The following NEGR1 variants were observed in gnomAD, a reference collection of about 807,000 sequenced individuals.
NEGR1 encodes the protein IgLON family member 4.
A neutral mutation model predicts 40.9 loss-of-function variants in NEGR1; 10 were observed. The observed-to-expected ratio is 0.24, with a 90% CI of 0.15 to 0.42. NEGR1 has a LOEUF of 0.42. NEGR1 is among the 10% of genes least tolerant of loss of function. The pLI is 1.00. For synonymous variants in NEGR1, 185 were observed against 166.8 expected, an observed-to-expected ratio of 1.11 and a Z score of -0.84; for missense variants, 352 against 438.9, an observed-to-expected ratio of 0.80 and a Z score of 1.77.
chr1:71,548,487 G>A (rs1223244547), intron 6 of NEGR1, among the ~76,000 whole-genome samples: 1 of 151,638 alleles, frequency 6.6e-6, no homozygotes, highest in Non-Finnish European at 1.5e-5. Flanking sequence ...AAGGAAATGA[G>A]ATCCTTTTAG....
At chr1:71,588,206 A>T (rs1274387867) in intron 6 of NEGR1, among the ~76,000 whole-genome samples, 1 of 152,164 alleles carries the variant, frequency 6.6e-6, no homozygotes, top group African/African-American at 2.4e-5. Context: ...ACTTGGAAGA[A>T]ACATTTTTTT....
At chr1:72,047,080 C>T (rs1224746224) in intron 1 of NEGR1, among the ~76,000 whole-genome samples, 1 of 151,304 alleles carries the variant, frequency 6.6e-6, no homozygotes, top group Non-Finnish European at 1.5e-5. Flanking sequence ...ATTGAGCATT[C>T]TTGTCTTCCT....
chr1:71,804,399 T>C (rs1441031273), intron 2 of NEGR1, among the ~76,000 whole-genome samples: 2 of 152,122 alleles, frequency 1.3e-5, no homozygotes, highest in Non-Finnish European at 2.9e-5. Context: ...ACAGTGTAAG[T>C]ACAGACTGCA....
chr1:71,585,276 A>T (rs1382889599), intron 6 of NEGR1, among the ~76,000 whole-genome samples: 1 of 152,168 alleles, frequency 6.6e-6, no homozygotes, highest in Non-Finnish European at 1.5e-5. Context: ...ATTTCTTAGG[A>T]TCTGAAAACA....
intron 2 of NEGR1, 37 bp from the exon 3 acceptor site, chr1:71,776,334 A>G (rs751586175): frequency 3.6e-6 from 5 of 1,402,010 alleles, no homozygotes; most frequent in Non-Finnish European, 4.9e-6. Flanking sequence ...AGAAAAAAAT[A>G]TATAAAGTTT....
At chr1:71,578,029 T>C (rs541701205) in intron 6 of NEGR1, among the ~76,000 whole-genome samples, 32 of 152,228 alleles carry the variant, frequency 2.1e-4, no homozygotes, top group South Asian at 6.2e-4. Context: ...TGAGCCTAGA[T>C]ACTAAGTCTG....
chr1:71,806,569 A>C (rs1210632728), intron 2 of NEGR1, among the ~76,000 whole-genome samples: 1 of 152,080 alleles, frequency 6.6e-6, no homozygotes, highest in East Asian at 1.9e-4. Context: ...AGTGCCATAA[A>C]CTGGTTCAGG....
At chr1:72,135,007 G>T (rs533360385) in intron 1 of NEGR1, among the ~76,000 whole-genome samples, 2 of 151,348 alleles carry the variant, frequency 1.3e-5, no homozygotes, top group African/African-American at 2.4e-5. Flanking sequence ...AAAGTGCTGG[G>T]ATTACAGGCG....
chr1:71,482,932 ATAAT>A (rs1432745825), intron 6 of NEGR1, among the ~76,000 whole-genome samples: 1 of 151,912 alleles, frequency 6.6e-6, no homozygotes, highest in Non-Finnish European at 1.5e-5. Flanking sequence ...TTAAAATACA[ATAAT>A]TATTCTATAT....
At chr1:72,191,402 A>T (rs1323836949) in intron 1 of NEGR1, among the ~76,000 whole-genome samples, 1 of 151,810 alleles carries the variant, frequency 6.6e-6, no homozygotes, top group Non-Finnish European at 1.5e-5. Flanking sequence ...AGATCATAAT[A>T]CACACACATA....
At chr1:71,526,967 C>A (rs1388182146) in intron 6 of NEGR1, among the ~76,000 whole-genome samples, 1 of 151,562 alleles carries the variant, frequency 6.6e-6, no homozygotes, top group Non-Finnish European at 1.5e-5. Flanking sequence ...TGTCTCTGTA[C>A]CTTTGTCCAC....
At chr1:71,827,031 T>C (rs992268218) in intron 2 of NEGR1, among the ~76,000 whole-genome samples, 5 of 151,880 alleles carry the variant, frequency 3.3e-5, no homozygotes, top group African/African-American at 1.2e-4. Context: ...TTTAAGCTTA[T>C]ACTTTTGCTA....
chr1:71,771,569 G>A (rs546850615), intron 3 of NEGR1, among the ~76,000 whole-genome samples: 3 of 151,510 alleles, frequency 2.0e-5, no homozygotes, highest in South Asian at 2.1e-4. Flanking sequence ...GCATGGTGGC[G>A]CATGCCTGTA....
At chr1:71,562,714 G>T (rs1330694830) in intron 6 of NEGR1, among the ~76,000 whole-genome samples, 1 of 151,922 alleles carries the variant, frequency 6.6e-6, no homozygotes, top group Non-Finnish European at 1.5e-5. Context: ...GTAGGTAAAA[G>T]CAGTGATTTG....
rs77136515 is a variant in NEGR1 at position 71,767,716 on chromosome 1, G to C, written c.535+8456C>G. Among the ~76,000 whole-genome samples, 254 of 152,310 alleles carry C rather than the reference G, an allele frequency of 1.7e-3. 1 individual carries two copies. The highest frequency in any genetic ancestry group is 5.9e-3 in the African/African-American group (244 of 41,570). On this transcript the variant is annotated intron_variant, in intron 3 of 6. Transcript: ENST00000357731. ...GAAAAATGAGGAAAAGATCTCAAAG[G>C]CATTTCAGAGAAGCTCATGGAAGCT...
At chr1:72,199,823 T>C (rs1263405349) in intron 1 of NEGR1, among the ~76,000 whole-genome samples, 1 of 151,716 alleles carries the variant, frequency 6.6e-6, no homozygotes, top group African/African-American at 2.4e-5. Flanking sequence ...GGAACTTAAA[T>C]AAAACAGCAC....
chr1:71,922,324 C>G (rs1402520648), intron 2 of NEGR1, among the ~76,000 whole-genome samples: 1 of 152,152 alleles, frequency 6.6e-6, no homozygotes, highest in Non-Finnish European at 1.5e-5. Context: ...CTGCCAGAAA[C>G]TAAAAAACAT....
At chr1:72,188,726 G>T (rs923978912) in intron 1 of NEGR1, among the ~76,000 whole-genome samples, 1 of 151,356 alleles carries the variant, frequency 6.6e-6, no homozygotes, top group African/African-American at 2.4e-5. Context: ...GCTTCACAGT[G>T]TTATTAAATT....
chr1:71,965,373 T>G (rs1646201910), intron 1 of NEGR1, among the ~76,000 whole-genome samples: 8 of 152,194 alleles, frequency 5.3e-5, no homozygotes. Context: ...TGCAGCTGAA[T>G]GTATTATAAA....
Sources: gnomAD v4.1 joint callset for allele counts (sites outside exome capture counted in the v4.1 genomes callset) on GRCh38, gnomAD v4.1.1 for gene constraint, MANE v1.5 for transcripts, NCBI Gene and HGNC (gene_info 2026-07-23, HGNC 2026-07-21) for gene names.